MNAT1: variants seen among roughly 807,000 people sequenced by gnomAD.
The protein encoded by MNAT1 is MNAT1 component of CDK activating kinase, also known as CDK-activating kinase assembly factor MAT1.
A neutral mutation model predicts 42.0 loss-of-function variants in MNAT1; 43 were observed. The observed-to-expected ratio is 1.02, with a 90% confidence interval of 0.80 to 1.32. The LOEUF (loss-of-function observed/expected upper bound fraction) is 1.32, where lower values mean the gene tolerates loss of function less well. Among genes scored for constraint, MNAT1 ranks in the 40% most tolerant of loss-of-function variants. The probability of loss-of-function intolerance (pLI) is 0.00; values close to 1 mark genes in which losing one functional copy is unlikely to be tolerated. For missense variants in MNAT1, 306 were observed against 350.4 expected, an observed-to-expected ratio of 0.87 and a Z score of 1.01; for synonymous variants, 118 against 120.0, an observed-to-expected ratio of 0.98 and a Z score of 0.11.
At chr14:60,736,954 A>G (rs1896325662) in intron 1 of MNAT1, among the ~76,000 whole-genome samples, 1 of 152,202 alleles carries the variant, frequency 6.6e-6, no homozygotes, top group Non-Finnish European at 1.5e-5. Flanking sequence ...CTGCTATGAA[A>G]TACTTGCACA....
intron 7 of MNAT1, among the ~76,000 whole-genome samples, chr14:60,937,879 A>T (rs1459968715): frequency 6.6e-6 from 1 of 152,118 alleles, no homozygotes; most frequent in Non-Finnish European, 1.5e-5. Flanking sequence ...ATGTTCTTCC[A>T]TTTGTTTGTA....
chr14:60,948,237 C>T (rs2036318438), intron 7 of MNAT1, among the ~76,000 whole-genome samples: 1 of 151,942 alleles, frequency 6.6e-6, no homozygotes, highest in Non-Finnish European at 1.5e-5. Flanking sequence ...TCGAGAACAC[C>T]CCGGGCAACT....
chr14:60,880,033 G>A (rs2034518064), intron 7 of MNAT1, 198 bp downstream of exon 7: 1 of 378,222 alleles, frequency 2.6e-6, no homozygotes, highest in African/African-American at 2.1e-5. Context: ...TTGAGATTGA[G>A]CCTGGAATAC....
chr14:60,822,237 CTATT>C (rs2032910105), intron 6 of MNAT1, among the ~76,000 whole-genome samples: 1 of 151,958 alleles, frequency 6.6e-6, no homozygotes, highest in Non-Finnish European at 1.5e-5. Flanking sequence ...TCGTAATGTT[CTATT>C]TATTTAAAAA....
intron 7 of MNAT1, among the ~76,000 whole-genome samples, chr14:60,916,228 T>TTA (rs2035508932): frequency 6.6e-6 from 1 of 152,256 alleles, no homozygotes; most frequent in African/African-American, 2.4e-5. Context: ...CATTATCATC[T>TTA]TAACCCTCAA....
At chr14:60,961,924 C>G (rs2036601494) in intron 7 of MNAT1, among the ~76,000 whole-genome samples, 1 of 152,140 alleles carries the variant, frequency 6.6e-6, no homozygotes, top group African/African-American at 2.4e-5. Context: ...GAATCAGGCA[C>G]TAGGTTTTTT....
chr14:60,827,572 A>C (rs1302948077), intron 6 of MNAT1, among the ~76,000 whole-genome samples: 1 of 152,202 alleles, frequency 6.6e-6, no homozygotes, highest in Non-Finnish European at 1.5e-5. Flanking sequence ...CAAACAGCTT[A>C]GGTGCTTTAC....
chr14:60,881,005 G>A (rs980549435), intron 7 of MNAT1, among the ~76,000 whole-genome samples: 8 of 152,140 alleles, frequency 5.3e-5, no homozygotes, highest in African/African-American at 1.4e-4. Flanking sequence ...AGCCAGAATC[G>A]TGTATCTTTA....
chr14:60,735,588 C>T (rs1301168217), intron 1 of MNAT1, among the ~76,000 whole-genome samples: 2 of 152,156 alleles, frequency 1.3e-5, no homozygotes, highest in African/African-American at 4.8e-5. Context: ...ACAACAGTCC[C>T]ATGAAGTAGA....
intron 1 of MNAT1, among the ~76,000 whole-genome samples, chr14:60,776,534 G>A (rs2031255932): frequency 6.6e-6 from 1 of 152,048 alleles, no homozygotes; most frequent in African/African-American, 2.4e-5. Flanking sequence ...TGAACAGGGA[G>A]ACCAGACCAT....
At chr14:60,906,973 A>T (rs2035213641) in intron 7 of MNAT1, among the ~76,000 whole-genome samples, 1 of 152,136 alleles carries the variant, frequency 6.6e-6, no homozygotes, top group African/African-American at 2.4e-5. Context: ...TCCACCCCCC[A>T]ACCCCAATAG....
At chr14:60,885,127 G>T (rs1352547050) in intron 7 of MNAT1, among the ~76,000 whole-genome samples, 1 of 151,606 alleles carries the variant, frequency 6.6e-6, no homozygotes. Flanking sequence ...CTTGACCTTT[G>T]GGAGTTTGAG....
chr14:60,957,053 G>T (rs538257128), intron 7 of MNAT1, among the ~76,000 whole-genome samples: 1 of 152,210 alleles, frequency 6.6e-6, no homozygotes, highest in South Asian at 2.1e-4. Context: ...TTATTTGGTT[G>T]TTTTGGAGAC....
At chr14:60,913,714 G>A (rs1041008007) in intron 7 of MNAT1, among the ~76,000 whole-genome samples, 7 of 152,174 alleles carry the variant, frequency 4.6e-5, no homozygotes, top group East Asian at 1.9e-4. Flanking sequence ...GTACCCAGCC[G>A]TGTGAGGTGT....
chr14:60,775,138 CA>C (rs1398367028), intron 1 of MNAT1, among the ~76,000 whole-genome samples: 8 of 152,082 alleles, frequency 5.3e-5, no homozygotes, highest in African/African-American at 1.7e-4. Flanking sequence ...GAAAAAGAAA[CA>C]GAGAAAGAGA....
chr14:60,744,342 G>T (rs1896554663), intron 1 of MNAT1, among the ~76,000 whole-genome samples: 1 of 152,084 alleles, frequency 6.6e-6, no homozygotes. Context: ...CTGTTGGCCA[G>T]GCTGGTCCCA....
At chr14:60,843,332 G>A (rs538168504) in intron 6 of MNAT1, among the ~76,000 whole-genome samples, 7 of 152,052 alleles carry the variant, frequency 4.6e-5, no homozygotes, top group African/African-American at 1.7e-4. Flanking sequence ...GTACAGTGGC[G>A]CGACCTCAGC....
chr14:60,734,873 A>C lies in MNAT1; in HGVS notation c.11A>C (p.Gln4Pro), dbSNP rs1896258425. Reference protein sequence around the residue: MDDQGCPRCKTTKY... With the variant: MDDPGCPRCKTTKY... Reference sequence around the variant, plus strand: ...AGGAGGGAAACCGCCATGGACGATCAGGGTTGCCCTCGGTGTAAGACCACC... The same window carrying C: ...AGGAGGGAAACCGCCATGGACGATCCGGGTTGCCCTCGGTGTAAGACCACC... The change falls in exon 1 of 8, where the codon CAG (glutamine) becomes CCG (proline). Residue 4 changes from glutamine to proline, a missense_variant. Gln to Pro is a moderately conservative substitution (Grantham distance 76, BLOSUM62 -1). Around this residue, in one of 3 missense-constraint regions of MNAT1, gnomAD observed 72 missense variants for 111.0 expected, o/e 0.65. Transcript: ENST00000261245. This position sits in a 1 kb window ranked among gnomAD's most constrained non-coding sequence, Gnocchi z 4.3. 1 of 1,614,014 alleles carries C rather than the reference A, an allele frequency of 6.2e-7. No homozygotes were observed. Among genetic ancestry groups the C allele is most frequent in the South Asian group, 1.1e-5 (1 of 91,080 alleles).
chr14:60,918,465 C>T (rs1470388295), intron 7 of MNAT1, among the ~76,000 whole-genome samples: 1 of 151,278 alleles, frequency 6.6e-6, no homozygotes, highest in Non-Finnish European at 1.5e-5. Flanking sequence ...ACCTCGGCCT[C>T]CCAAAGTGGT....
Sources: gnomAD v4.1 joint callset for allele counts (sites outside exome capture counted in the v4.1 genomes callset) on GRCh38, gnomAD v4.1.1 for gene constraint, gnomAD v4.1.1 regional missense constraint, Gnocchi (gnomAD v3.1) non-coding constraint, MANE v1.5 for transcripts, NCBI Gene and HGNC (gene_info 2026-07-23, HGNC 2026-07-21) for gene names.